Variants in ARHGEF17 observed in about 807,000 individuals in gnomAD.
ARHGEF17 encodes Rho guanine nucleotide exchange factor 17.
Under a neutral mutation model 174.0 loss-of-function variants are expected in ARHGEF17, and 80 were observed. That is an observed-to-expected ratio of 0.46 (90% CI 0.38 to 0.55). The LOEUF is 0.55. ARHGEF17 is among the 20% of genes least tolerant of loss of function. The probability of loss-of-function intolerance (pLI) is 0.00; values close to 1 mark genes in which losing one functional copy is unlikely to be tolerated. For synonymous variants in ARHGEF17, 1,311 were observed against 1,189.1 expected, an observed-to-expected ratio of 1.10 and a Z score of -2.11; for missense variants, 2,886 against 2,839.7, an observed-to-expected ratio of 1.02 and a Z score of -0.37.
In ARHGEF17 at chr11:73,362,714, C is replaced by T; in HGVS notation, c.4976C>T (p.Thr1659Ile). The T allele has an allele frequency of 6.2e-7, 1 of 1,604,350 alleles. No homozygotes were observed. The highest frequency in any genetic ancestry group is 8.5e-7 in the Non-Finnish European group (1 of 1,176,902). The change falls in exon 14 of 21, where the codon ACC becomes ATC. Residue 1659 changes from threonine (T) to isoleucine (I), a missense_variant. Coordinates refer to ENST00000263674, the MANE Select transcript of ARHGEF17 (RefSeq NM_014786.4). ...GTLQSQASRS[T>I]ISSSFGNEET... Reference sequence around the variant, plus strand: ...CTGCAGAGCCAGGCCAGCCGGTCCACCATCTCCTCCAGCTTTGGCAGTGAG... The same window carrying T: ...CTGCAGAGCCAGGCCAGCCGGTCCATCATCTCCTCCAGCTTTGGCAGTGAG...
In ARHGEF17 at chr11:73,363,232, G is replaced by A. The variant is rs771783276; in HGVS notation, c.5023G>A (p.Ala1675Thr). The change falls in exon 15 of 21, where the codon GCC (alanine) becomes ACC (threonine). Residue 1675 changes from alanine to threonine, a missense_variant. Coordinates refer to ENST00000263674, the MANE Select transcript of ARHGEF17 (RefSeq NM_014786.4). Reference sequence around the variant, plus strand: ...TGAGGAGACCCCGAGTTCCAAGGAGGCCACGGCAGAGACCACCAGCTCAGA... The same window carrying A: ...TGAGGAGACCCCGAGTTCCAAGGAGACCACGGCAGAGACCACCAGCTCAGA... ...GNEETPSSKE[A>T]TAETTSSEEE... 4 of 1,587,126 alleles carry A rather than the reference G, an allele frequency of 2.5e-6. No individual in the cohort carries two copies. The highest frequency in any genetic ancestry group is 1.1e-5 in the South Asian group (1 of 89,226).
At chr11:73,357,585 A>G (rs1865666474) in intron 9 of ARHGEF17, among the ~76,000 whole-genome samples, 2 of 152,270 alleles carry the variant, frequency 1.3e-5, no homozygotes, top group Non-Finnish European at 2.9e-5. Context: ...GGTGGTGCAC[A>G]CAGAGCAGCA....
rs1362745505 is a variant in ARHGEF17 at position 73,365,178 on chromosome 11, C to T, written c.5551-212C>T. The stretch of plus-strand genomic sequence containing the variant: ...CATTGAAGTTCTCTGATCCTTAAAT[C>T]ACTCAAGTTTAATGGGGAAAAAGCA... On this transcript the variant is annotated intron_variant, in intron 18 of 20. Transcript: ENST00000263674. The surrounding 1 kb of genome is among the most constrained non-coding windows in gnomAD (Gnocchi z 4.9). 1.7e-5 allele frequency: 10 copies of T among 594,318 alleles called. No individual in the cohort carries two copies. Among genetic ancestry groups the T allele is most frequent in the African/African-American group, 3.7e-5 (2 of 53,774 alleles). 36.8% of individuals were successfully genotyped at this position (594,318 alleles called of 1,614,324 possible).
chr11:73,334,977 C>T (rs567050055), intron 1 of ARHGEF17, among the ~76,000 whole-genome samples: 14 of 152,328 alleles, frequency 9.2e-5, no homozygotes, highest in African/African-American at 3.1e-4. Flanking sequence ...GAGCACTGGT[C>T]TGGTGCTGAG....
At chr11:73,321,372 G>A (rs1278616780) in intron 1 of ARHGEF17, among the ~76,000 whole-genome samples, 3 of 152,232 alleles carry the variant, frequency 2.0e-5, no homozygotes, top group Non-Finnish European at 4.4e-5. Flanking sequence ...CATCAAAGCT[G>A]CCCCTCACTG....
intron 18 of ARHGEF17, 124 bp downstream of exon 18, chr11:73,364,724 C>T (rs1352339215): frequency 3.9e-6 from 5 of 1,285,926 alleles, no homozygotes; most frequent in South Asian, 1.6e-5. Context: ...TTCCTCTGAC[C>T]ACAGAGTGAC....
chr11:73,327,795 G>A (rs1865126446), intron 1 of ARHGEF17, among the ~76,000 whole-genome samples: 1 of 152,194 alleles, frequency 6.6e-6, no homozygotes, highest in Admixed American at 6.5e-5. Context: ...ACAAGTACTT[G>A]ATCTTACATT....
At chr11:73,354,402 G>A (rs1753630411) in intron 3 of ARHGEF17, among the ~76,000 whole-genome samples, 6 of 152,136 alleles carry the variant, frequency 3.9e-5, no homozygotes. Context: ...CCAGAGGCAG[G>A]GGCACTTGGC....
intron 1 of ARHGEF17, among the ~76,000 whole-genome samples, chr11:73,314,689 C>A (rs1420268480): frequency 6.6e-6 from 1 of 152,122 alleles, no homozygotes; most frequent in East Asian, 1.9e-4. Flanking sequence ...TCCAGGAATG[C>A]CTGTCTGTGT....
rs1374472996 is a variant in ARHGEF17, at chr11:73,365,655, C to A, written c.5726-23C>A. On this transcript the variant is annotated intron_variant, in intron 19 of 20. Transcript: ENST00000263674. This position sits in a 1 kb window ranked among gnomAD's most constrained non-coding sequence, Gnocchi z 4.9. Reference sequence around the variant, plus strand: ...AGCCAGGGCCAGAATTCAGCCCCAGCTGTGGTCTGTCTCCCACCCCAGGCT... The same window carrying A: ...AGCCAGGGCCAGAATTCAGCCCCAGATGTGGTCTGTCTCCCACCCCAGGCT... The A allele has an allele frequency of 6.2e-7, 1 of 1,609,518 alleles. No individual in the cohort carries two copies. Among genetic ancestry groups the A allele is most frequent in the Non-Finnish European group, 8.5e-7 (1 of 1,176,546 alleles).
chr11:73,347,112 A>C, intron 2 of ARHGEF17, 152 bp downstream of exon 2: 1 of 788,280 alleles, frequency 1.3e-6, no homozygotes, highest in Non-Finnish European at 2.2e-6. Flanking sequence ...AACCCCCAGC[A>C]TGGCCATTCC....
At position 73,311,761 on chromosome 11, in the gene ARHGEF17, G is replaced by C. The variant is rs756952842; in HGVS notation, c.3123G>C (p.Lys1041Asn). 13 of 1,612,484 alleles carry C rather than the reference G, an allele frequency of 8.1e-6. No individual in the cohort carries two copies. The change falls in exon 1 of 21, where the codon AAG becomes AAC. Residue 1041 changes from lysine (K) to asparagine (N), a missense_variant. Coordinates refer to ENST00000263674, the MANE Select transcript of ARHGEF17 (RefSeq NM_014786.4). The stretch of plus-strand genomic sequence containing the variant: ...CTGCACCGCCCTCTGCTGAGGCCAA[G>C]CCCCCTGAGGCAGCTCGGCCTGCAG... ...PLAAPPSAEA[K>N]PPEAARPADE...
Position 73,364,570 on chromosome 11 carries a change from T to C in ARHGEF17, c.5520T>C (p.Leu1840=). The change falls in exon 18 of 21, where the codon CTT becomes CTC. Residue 1840 remains leucine, a synonymous_variant. Coordinates refer to ENST00000263674, the MANE Select transcript of ARHGEF17 (RefSeq NM_014786.4). ...RLWCGCQNRV[L]VLSPDTLQLE... ...GGTGTGGCTGCCAGAACCGAGTCCT[T>C]GTCCTGAGCCCTGACACGCTGCAGC... The C allele has an allele frequency of 6.2e-7, 1 of 1,612,770 alleles. No homozygotes were observed. The highest frequency in any genetic ancestry group is 8.5e-7 in the Non-Finnish European group (1 of 1,179,616).
intron 1 of ARHGEF17, among the ~76,000 whole-genome samples, chr11:73,333,850 C>T (rs1342156049): frequency 1.3e-5 from 2 of 152,178 alleles, no homozygotes; most frequent in Admixed American, 6.5e-5. Context: ...GAGACATTTC[C>T]TCTTTGAGCC....
chr11:73,350,609 A>G (rs1865537979), intron 2 of ARHGEF17, among the ~76,000 whole-genome samples: 1 of 152,216 alleles, frequency 6.6e-6, no homozygotes, highest in African/African-American at 2.4e-5. Flanking sequence ...TTCAAAATGA[A>G]CAAAGAAGTT....
chr11:73,332,370 T>C (rs1477235394), intron 1 of ARHGEF17, among the ~76,000 whole-genome samples: 1 of 119,144 alleles, frequency 8.4e-6, no homozygotes, highest in African/African-American at 2.9e-5. Flanking sequence ...TGTGTGTGTG[T>C]GTGTGTGTGT....
intron 1 of ARHGEF17, among the ~76,000 whole-genome samples, chr11:73,342,137 ATGGGAGCACAGTCTAGGGG>A (rs560710300): frequency 0.3 from 43,996 of 145,192 alleles, 8,591 homozygotes; most frequent in African/African-American, 0.56. Flanking sequence ...CAGTCTAGGG[ATGGGAGCACAGTCTAGGGG>A]TGGGAGCACA....
At chr11:73,334,048 T>C (rs961700032) in intron 1 of ARHGEF17, among the ~76,000 whole-genome samples, 1 of 152,232 alleles carries the variant, frequency 6.6e-6, no homozygotes, top group African/African-American at 2.4e-5. Flanking sequence ...GTTGTAGGCA[T>C]GGAAGCTGCT....
In ARHGEF17 at chr11:73,317,175, G is replaced by A. The variant is rs146844665; in HGVS notation, c.3192+5345G>A. Among the ~76,000 whole-genome samples, 477 of 152,180 alleles carry A rather than the reference G, an allele frequency of 3.1e-3. 4 individuals are homozygous for A. Among genetic ancestry groups the A allele is most frequent in the African/African-American group, 0.011 (460 of 41,490 alleles). On this transcript the variant is annotated intron_variant, in intron 1 of 20. Coordinates refer to ENST00000263674, the MANE Select transcript of ARHGEF17 (RefSeq NM_014786.4). ...GCTGAAAGGCTAGGAGAGTGGAGCC[G>A]CCACAGGGTCCCAGTGAGGCAGGTG... is the stretch of plus-strand genomic sequence containing the variant.
Sources: gnomAD v4.1 joint callset for allele counts (sites outside exome capture counted in the v4.1 genomes callset) on GRCh38, gnomAD v4.1.1 for gene constraint, Gnocchi (gnomAD v3.1) non-coding constraint, MANE v1.5 for transcripts, NCBI Gene and HGNC (gene_info 2026-07-23, HGNC 2026-07-21) for gene names.